Variants in KCTD14 observed in about 807,000 individuals in gnomAD.
KCTD14 encodes the protein BTB/POZ domain-containing protein KCTD14.
Under a neutral mutation model 5.9 loss-of-function variants are expected in KCTD14, and 7 were observed. The observed-to-expected ratio is 1.19, with a 90% CI of 0.68 to 2.23. KCTD14 has a LOEUF of 2.23. Ranked by LOEUF, KCTD14 falls within the 30% of genes most tolerant of loss-of-function variation. The probability of loss-of-function intolerance (pLI) is 0.00; values close to 1 mark genes in which losing one functional copy is unlikely to be tolerated. For synonymous variants in KCTD14, 140 were observed against 133.1 expected, an observed-to-expected ratio of 1.05 and a Z score of -0.36; for missense variants, 342 against 332.2, an observed-to-expected ratio of 1.03 and a Z score of -0.23.
chr11:78,033,901 G>GTATATATATATATA (rs1555054302), intron 2 of KCTD14, among the ~76,000 whole-genome samples: 3 of 115,574 alleles, frequency 2.6e-5, no homozygotes, highest in African/African-American at 1.0e-4. Context: ...GTGTGTGTGT[G>GTATATATATATATA]TATATATATA....
chr11:78,026,994 G>C (rs1857484385), upstream of KCTD14, among the ~76,000 whole-genome samples: 1 of 152,044 alleles, frequency 6.6e-6, no homozygotes, highest in Non-Finnish European at 1.5e-5. Flanking sequence ...AGCTACTCAG[G>C]AGGCTGAGGC....
intron 1 of KCTD14, among the ~76,000 whole-genome samples, chr11:78,019,573 T>A (rs1857259619): frequency 6.6e-6 from 1 of 152,150 alleles, no homozygotes; most frequent in Admixed American, 6.6e-5. Flanking sequence ...TGCCTGAGCC[T>A]CCCAAGCAGG....
intron 2 of KCTD14, among the ~76,000 whole-genome samples, chr11:78,036,688 C>T (rs1438906347): frequency 6.6e-6 from 1 of 152,218 alleles, no homozygotes; most frequent in Non-Finnish European, 1.5e-5. Context: ...TGAAGGCTGT[C>T]ATCAATGATT....
At chr11:78,041,538 T>C (rs1055248222) in intron 1 of KCTD14, among the ~76,000 whole-genome samples, 3 of 152,188 alleles carry the variant, frequency 2.0e-5, no homozygotes, top group African/African-American at 7.2e-5. Context: ...GGAGGGACGA[T>C]GATCAGGATA....
intron 1 of KCTD14, among the ~76,000 whole-genome samples, chr11:78,042,408 T>C (rs1012360942): frequency 6.6e-6 from 1 of 151,940 alleles, no homozygotes; most frequent in Middle Eastern, 3.2e-3. Flanking sequence ...CTCAGGAGCC[T>C]GAGGCACGAG....
At chr11:78,020,061 C>T (rs1253675803) in intron 1 of KCTD14, among the ~76,000 whole-genome samples, 1 of 152,186 alleles carries the variant, frequency 6.6e-6, no homozygotes, top group Non-Finnish European at 1.5e-5. Flanking sequence ...AAGGAACTCA[C>T]AGTGGAGACA....
intron 2 of KCTD14, among the ~76,000 whole-genome samples, chr11:78,038,195 C>T (rs1857872199): frequency 1.3e-5 from 2 of 152,138 alleles, no homozygotes; most frequent in African/African-American, 4.8e-5. Flanking sequence ...ACATGGGCAG[C>T]GTCCCAAGTC....
In KCTD14 at chr11:78,023,031, G is replaced by T. The variant is rs528922587; in HGVS notation, c.90+129C>A. The T allele has an allele frequency of 5.4e-4, 347 of 646,286 alleles. 5 individuals carry two copies. In the South Asian group the frequency reaches 5.9e-3, roughly 11 times the overall value. The allele number at this position is 646,286 out of a possible 1,614,324, so 40.0% of individuals were successfully genotyped here. On this transcript the variant is annotated intron_variant, in intron 1 of 1. Coordinates refer to ENST00000353172, the MANE Select transcript of KCTD14 (RefSeq NM_023930.4). ...GAGCGACCAGCCCGAGGTGAAGGGG[G>T]ACAGCGCGCCAGAAGCAGGGGGCTC...
chr11:78,021,638 C>T (rs1489154689), intron 1 of KCTD14, among the ~76,000 whole-genome samples: 1 of 152,054 alleles, frequency 6.6e-6, no homozygotes, highest in African/African-American at 2.4e-5. Context: ...AGGCTGGCCT[C>T]GAACGCCTGA....
At position 78,016,704 on chromosome 11, in the gene KCTD14, C is replaced by T; in HGVS notation, c.657G>A (p.Met219Ile). ...CCTTGTACCCCTGGGCCTTAATGTC[C>T]ATCTCCAGGCAGTGCATGAGGTCGC... is the stretch of plus-strand genomic sequence containing the variant. ...DNSDLMHCLE[M>I]DIKAQGYKVF... The change falls in exon 2 of 2, where the codon ATG (methionine) becomes ATA (isoleucine). Residue 219 changes from methionine (M) to isoleucine (I), a missense_variant. Transcript: ENST00000353172. The T allele has an allele frequency of 1.2e-6, 2 of 1,614,186 alleles. No individual in the cohort carries two copies. Among genetic ancestry groups the T allele is most frequent in the Non-Finnish European group, 1.7e-6 (2 of 1,180,018 alleles).
chr11:78,022,893 G>C, intron 1 of KCTD14: 1 of 466,900 alleles, frequency 2.1e-6, no homozygotes, highest in Non-Finnish European at 3.8e-6. Flanking sequence ...ACCCAATGTA[G>C]AGGGAGGAAG....
intron 1 of KCTD14, among the ~76,000 whole-genome samples, chr11:78,042,963 G>C (rs184248986): frequency 6.6e-6 from 1 of 152,178 alleles, no homozygotes; most frequent in Admixed American, 6.5e-5. Flanking sequence ...CTACCTGGCC[G>C]GTGCCATGTT....
intron 1 of KCTD14, among the ~76,000 whole-genome samples, chr11:78,045,861 C>T (rs1321512838): frequency 6.6e-6 from 1 of 152,128 alleles, no homozygotes; most frequent in African/African-American, 2.4e-5. Context: ...ACGTTGCTGC[C>T]CCTACCGCTT....
At chr11:78,028,866 A>G (rs73509605) in intron 2 of KCTD14, among the ~76,000 whole-genome samples, 14,118 of 152,074 alleles carry the variant, frequency 0.093, 2,117 homozygotes, top group African/African-American at 0.32. Flanking sequence ...ACTTGATCCT[A>G]GGAGGCAAGA....
chr11:78,021,011 CA>C (rs925720173), intron 1 of KCTD14, among the ~76,000 whole-genome samples: 3 of 151,948 alleles, frequency 2.0e-5, no homozygotes, highest in Non-Finnish European at 4.4e-5. Context: ...CCAGATGCTT[CA>C]AAAAAACAGG....
At chr11:78,036,308 A>G (rs1470711) in intron 2 of KCTD14, among the ~76,000 whole-genome samples, 74,056 of 152,184 alleles carry the variant, frequency 0.49, 18,501 homozygotes, top group African/African-American at 0.61. Flanking sequence ...TATGCTGTAC[A>G]CTTGACAGTC....
At chr11:78,038,950 G>C (rs1857903874) in intron 1 of KCTD14, among the ~76,000 whole-genome samples, 1 of 151,858 alleles carries the variant, frequency 6.6e-6, no homozygotes, top group Non-Finnish European at 1.5e-5. Flanking sequence ...TCTTGCAAGG[G>C]ATTCCATAGC....
chr11:78,019,803 G>T (rs967698559), intron 1 of KCTD14, among the ~76,000 whole-genome samples: 14 of 152,152 alleles, frequency 9.2e-5, no homozygotes, highest in Non-Finnish European at 1.9e-4. Flanking sequence ...ACTTTTAGAG[G>T]CCACCTCTCT....
chr11:78,024,209 A>G (rs1256981161), upstream of KCTD14, among the ~76,000 whole-genome samples: 2 of 151,686 alleles, frequency 1.3e-5, no homozygotes. Context: ...AAATGGTGAA[A>G]CCCCGTCTCT....
Sources: allele counts gnomAD v4.1 joint callset (sites outside exome capture counted in the v4.1 genomes callset), GRCh38; gene constraint gnomAD v4.1.1; transcripts MANE v1.5; gene names NCBI Gene and HGNC (gene_info 2026-07-23, HGNC 2026-07-21).